The following NCALD variants were observed in gnomAD, a reference collection of about 807,000 sequenced individuals.
NCALD encodes neurocalcin delta.
Under a neutral mutation model 18.6 loss-of-function variants are expected in NCALD, and 10 were observed. The observed-to-expected ratio is 0.54, with a 90% confidence interval of 0.33 to 0.91. The LOEUF (loss-of-function observed/expected upper bound fraction) is 0.91, where lower values mean the gene tolerates loss of function less well. Among genes scored for constraint, NCALD ranks in the 40% least tolerant of loss-of-function variants. NCALD has a pLI of 0.03. For synonymous variants in NCALD, 88 were observed against 87.4 expected (o/e 1.01, Z -0.04); for missense variants, 184 against 247.6 (o/e 0.74, Z 1.72).
intron 2 of NCALD, among the ~76,000 whole-genome samples, chr8:101,927,826 G>C (rs1001396925): frequency 2.6e-5 from 4 of 152,230 alleles, no homozygotes; most frequent in Non-Finnish European, 4.4e-5. Flanking sequence ...AGACCACAGG[G>C]GAGAGCCCAA....
chr8:102,108,633 T>C (rs559612489), intron 1 of NCALD, among the ~76,000 whole-genome samples: 1 of 152,266 alleles, frequency 6.6e-6, no homozygotes, highest in African/African-American at 2.4e-5. Flanking sequence ...ACAACAATAC[T>C]AAAGTAATTA....
At chr8:101,694,003 T>G (rs1342962158) in intron 2 of NCALD, 1 of 116,074 alleles carries the variant, frequency 8.6e-6, no homozygotes, top group Non-Finnish European at 1.8e-5. Flanking sequence ...CTACTGAAAC[T>G]ATCACCCCAT....
chr8:101,739,855 C>G (rs182882681), intron 1 of NCALD, among the ~76,000 whole-genome samples: 1 of 152,056 alleles, frequency 6.6e-6, no homozygotes, highest in Non-Finnish European at 1.5e-5. Flanking sequence ...TTGTGTGAGT[C>G]GATTCTCCTA....
At chr8:101,927,830 A>G (rs1818394997) in intron 2 of NCALD, among the ~76,000 whole-genome samples, 1 of 152,102 alleles carries the variant, frequency 6.6e-6, no homozygotes, top group African/African-American at 2.4e-5. Context: ...CACAGGGGAG[A>G]GCCCAAACCC....
At chr8:102,001,806 C>T (rs1331387985) in intron 2 of NCALD, among the ~76,000 whole-genome samples, 2 of 152,194 alleles carry the variant, frequency 1.3e-5, no homozygotes, top group Non-Finnish European at 2.9e-5. Flanking sequence ...AAATAAAATA[C>T]TTTACAGACA....
intron 4 of NCALD, among the ~76,000 whole-genome samples, chr8:101,867,954 GC>G (rs1465096903): frequency 6.6e-6 from 1 of 152,060 alleles, no homozygotes; most frequent in Non-Finnish European, 1.5e-5. Context: ...TCTGGTCCCC[GC>G]CCCCCGCCAA....
At chr8:102,078,732 C>T (rs771551474) in intron 1 of NCALD, among the ~76,000 whole-genome samples, 23 of 152,198 alleles carry the variant, frequency 1.5e-4, no homozygotes, top group Admixed American at 7.2e-4. Flanking sequence ...AATGCTCCTT[C>T]GACCACTTTC....
chr8:101,697,989 A>T (rs1815081989), intron 2 of NCALD, among the ~76,000 whole-genome samples: 1 of 152,210 alleles, frequency 6.6e-6, no homozygotes, highest in Non-Finnish European at 1.5e-5. Context: ...AGAAGAGAGG[A>T]AATCAAATTT....
At chr8:101,754,221 G>A (rs1810778237) in intron 1 of NCALD, among the ~76,000 whole-genome samples, 1 of 152,082 alleles carries the variant, frequency 6.6e-6, no homozygotes, top group Admixed American at 6.6e-5. Context: ...CTATCATTTA[G>A]CTATCATTTC....
intron 1 of NCALD, among the ~76,000 whole-genome samples, chr8:102,044,788 C>T (rs1400527566): frequency 6.6e-6 from 1 of 152,126 alleles, no homozygotes; most frequent in East Asian, 1.9e-4. Context: ...AGCTCAGGAG[C>T]AGGTCTACAT....
At chr8:101,821,900 AAAAAAAAT>A (rs1437175936) in intron 4 of NCALD, among the ~76,000 whole-genome samples, 1 of 149,988 alleles carries the variant, frequency 6.7e-6, no homozygotes, top group African/African-American at 2.5e-5. Flanking sequence ...AAAAAAAAAA[AAAAAAAAT>A]GTAATTTTTT....
intron 2 of NCALD, among the ~76,000 whole-genome samples, chr8:101,948,810 T>A (rs1819278593): frequency 6.6e-6 from 1 of 152,186 alleles, no homozygotes; most frequent in South Asian, 2.1e-4. Flanking sequence ...CCTGGCTCCA[T>A]TAGTAAGCAA....
intron 4 of NCALD, among the ~76,000 whole-genome samples, chr8:101,860,693 A>G (rs999708411): frequency 1.3e-5 from 2 of 152,198 alleles, no homozygotes; most frequent in African/African-American, 4.8e-5. Context: ...TGATAGTATT[A>G]TATTGGGAAG....
intron 1 of NCALD, among the ~76,000 whole-genome samples, chr8:101,723,189 CCAGT>C (rs138425450): frequency 0.013 from 1,970 of 152,240 alleles, 38 homozygotes; most frequent in African/African-American, 0.044. Context: ...TTTCATAACT[CCAGT>C]CAGTCATTAA....
chr8:102,119,214 T>A (rs561823730), intron 1 of NCALD, among the ~76,000 whole-genome samples: 2 of 152,170 alleles, frequency 1.3e-5, no homozygotes, highest in African/African-American at 4.8e-5. Flanking sequence ...GTGTGGTACA[T>A]ACATACAATG....
intron 1 of NCALD, among the ~76,000 whole-genome samples, chr8:102,034,935 G>C (rs1039248587): frequency 1.3e-5 from 2 of 152,130 alleles, no homozygotes; most frequent in African/African-American, 4.8e-5. Flanking sequence ...TCTTCATCTT[G>C]CAAATCTGAA....
intron 3 of NCALD, among the ~76,000 whole-genome samples, chr8:101,896,258 A>G: frequency 6.6e-6 from 1 of 152,114 alleles, no homozygotes; most frequent in Non-Finnish European, 1.5e-5. Flanking sequence ...AAAACAAGCA[A>G]TGGGGAAAGG....
chr8:101,863,461 CT>C (rs374268615), intron 4 of NCALD, among the ~76,000 whole-genome samples: 489 of 146,326 alleles, frequency 3.3e-3, no homozygotes, highest in Non-Finnish European at 3.0e-3. Flanking sequence ...ATGTTTCTCA[CT>C]TTTTTTTTTT....
chr8:101,725,259 G>A lies in NCALD; in HGVS notation c.-19-5611C>T, dbSNP rs572432739. On this transcript the variant is annotated intron_variant, in intron 1 of 3. Transcript: ENST00000220931. ...TCAGCTGGCAGAGAGACAAGCGGCTGAACATCAAGGGAGAAGAAGCAACTG... is the reference window on the plus strand; with the variant it reads ...TCAGCTGGCAGAGAGACAAGCGGCTAAACATCAAGGGAGAAGAAGCAACTG... Among the ~76,000 whole-genome samples the A allele has an allele frequency of 1.8e-4, 27 of 152,320 alleles. 1 individual carries two copies. The highest frequency in any genetic ancestry group is 6.3e-4 in the African/African-American group (26 of 41,576).
Sources: allele counts gnomAD v4.1 joint callset (sites outside exome capture counted in the v4.1 genomes callset), GRCh38; gene constraint gnomAD v4.1.1; transcripts MANE v1.5; gene names NCBI Gene and HGNC (gene_info 2026-07-23, HGNC 2026-07-21).